DPP6: variants seen among roughly 807,000 people sequenced by gnomAD.
The protein encoded by DPP6 is dipeptidyl peptidase like 6.
Under a neutral mutation model 122.6 loss-of-function variants are expected in DPP6, and 69 were observed. That is an observed-to-expected ratio of 0.56 (90% CI 0.46 to 0.69). DPP6 has a LOEUF of 0.69. DPP6 is among the 30% of genes least tolerant of loss of function. DPP6 has a pLI of 0.00. For missense variants in DPP6, 928 were observed against 1,116.9 expected (o/e 0.83, Z 2.41); for synonymous variants, 418 against 433.1 (o/e 0.97, Z 0.43).
intron 7 of DPP6, among the ~76,000 whole-genome samples, chr7:154,694,489 G>A (rs1359425164): frequency 6.6e-6 from 1 of 152,160 alleles, no homozygotes. Flanking sequence ...GCGGGTGCCT[G>A]TAATCCCAGC....
chr7:153,852,004 C>T, the DPP6 span, among the ~76,000 whole-genome samples: 2 of 152,182 alleles, frequency 1.3e-5, no homozygotes, highest in African/African-American at 4.8e-5. Context: ...CCTCCCATCT[C>T]TCTGTGATGC....
chr7:154,873,813 CAT>C (rs1491422557), intron 19 of DPP6, among the ~76,000 whole-genome samples: 6 of 136,556 alleles, frequency 4.4e-5, no homozygotes, highest in Admixed American at 7.4e-5. Flanking sequence ...CACACACACA[CAT>C]GCACACACGC....
At chr7:154,315,003 A>C (rs1394239434) in intron 1 of DPP6, among the ~76,000 whole-genome samples, 1 of 152,102 alleles carries the variant, frequency 6.6e-6, no homozygotes, top group Non-Finnish European at 1.5e-5. Flanking sequence ...TTTTTATTGC[A>C]CCAGTGCTGG....
chr7:154,621,056 C>A (rs936576518), intron 5 of DPP6, among the ~76,000 whole-genome samples: 1 of 152,104 alleles, frequency 6.6e-6, no homozygotes, highest in Non-Finnish European at 1.5e-5. Flanking sequence ...GAGCTGAAAC[C>A]CTACCTCAAT....
chr7:153,899,136 T>C (rs1040606156), intron 1 of DPP6, among the ~76,000 whole-genome samples: 2 of 151,424 alleles, frequency 1.3e-5, no homozygotes, highest in East Asian at 3.9e-4. Flanking sequence ...TCCTCCTCCT[T>C]TTTCTCCTTC....
intron 5 of DPP6, among the ~76,000 whole-genome samples, chr7:154,612,474 A>G (rs369992063): frequency 2.9e-4 from 42 of 144,882 alleles, no homozygotes; most frequent in African/African-American, 9.5e-4. Context: ...CAAGCTGTTC[A>G]TGTATCCATA....
At chr7:154,052,339 GC>G (rs1259572719), upstream of DPP6, 1 of 153,520 alleles carries the variant, frequency 6.5e-6, no homozygotes, top group Admixed American at 6.5e-5. The surrounding 1 kb of genome is among the most constrained non-coding windows in gnomAD (Gnocchi z 4.8). Context: ...GGGCGGAGGG[GC>G]CGGGGTGGAG....
chr7:154,645,510 A>C (rs947867561), intron 6 of DPP6, among the ~76,000 whole-genome samples: 104 of 152,104 alleles, frequency 6.8e-4, no homozygotes, highest in Non-Finnish European at 1.2e-3. Flanking sequence ...CCAGACTTCT[A>C]GTAACCATCA....
the DPP6 span, among the ~76,000 whole-genome samples, chr7:153,827,897 T>A: frequency 3.3e-5 from 5 of 152,168 alleles, no homozygotes; most frequent in Non-Finnish European, 7.4e-5. Context: ...AGGTGCCCCC[T>A]ACCCTCCACT....
At chr7:154,573,014 A>G (rs888771783) in intron 5 of DPP6, among the ~76,000 whole-genome samples, 2 of 152,090 alleles carry the variant, frequency 1.3e-5, no homozygotes, top group African/African-American at 4.8e-5. Context: ...GTTGCAAGAA[A>G]TATAGCTATT....
At chr7:154,343,250 G>A (rs1162148763) in intron 1 of DPP6, among the ~76,000 whole-genome samples, 6 of 152,226 alleles carry the variant, frequency 3.9e-5, no homozygotes, top group Non-Finnish European at 7.3e-5. Flanking sequence ...AGAAAACCAA[G>A]ATTCTGAAGG....
intron 23 of DPP6, 97 bp downstream of exon 23, chr7:154,887,831 C>A: frequency 1.5e-6 from 2 of 1,367,128 alleles, no homozygotes; most frequent in Non-Finnish European, 2.1e-6. Flanking sequence ...CTGCCTTCCC[C>A]AGCCCCATGC....
Position 154,732,725 on chromosome 7 carries a change from C to G in DPP6, c.883+4838C>G, listed in dbSNP as rs199594839. Among the ~76,000 whole-genome samples the G allele has an allele frequency of 1.2e-4, 19 of 152,212 alleles. No homozygotes were observed. In the East Asian group the frequency reaches 3.7e-3, roughly 29 times the overall value. ...GATGAAATTCCAGGGCTGGATTTTC[C>G]TTAACTAGTCAAGAACATAAAAGTA... On this transcript the variant is annotated intron_variant, in intron 8 of 25. Transcript: ENST00000377770.
At chr7:153,901,650 T>C (rs1799642883) in intron 1 of DPP6, among the ~76,000 whole-genome samples, 1 of 152,212 alleles carries the variant, frequency 6.6e-6, no homozygotes, top group South Asian at 2.1e-4. Flanking sequence ...GGCATTGCTG[T>C]TCAATAGGGT....
the DPP6 span, among the ~76,000 whole-genome samples, chr7:153,748,797 G>A: frequency 2.2e-5 from 3 of 135,394 alleles, no homozygotes; most frequent in East Asian, 2.2e-4. Flanking sequence ...GAAGCCTGCA[G>A]CGTGGAGGCT....
chr7:154,800,084 G>T (rs13238654), intron 12 of DPP6, among the ~76,000 whole-genome samples: 1 of 152,082 alleles, frequency 6.6e-6, no homozygotes, highest in East Asian at 1.9e-4. Flanking sequence ...GGAATATAGC[G>T]CTACCCGCCG....
At chr7:154,270,064 T>C (rs1269078619) in intron 1 of DPP6, among the ~76,000 whole-genome samples, 2 of 152,212 alleles carry the variant, frequency 1.3e-5, no homozygotes, top group Non-Finnish European at 2.9e-5. Flanking sequence ...TTCATGCTTC[T>C]CATGATTCTA....
Position 154,400,145 on chromosome 7 carries a change from G to C in DPP6, c.244-46069G>C, listed in dbSNP as rs560677002. The stretch of plus-strand genomic sequence containing the variant: ...ACCAGGGAGCAGTTTGTCTGTGCAG[G>C]AAGCAGTGGAGTGTGGTCTGCATGC... On this transcript the variant is annotated intron_variant, in intron 1 of 25. Transcript: ENST00000377770. Among the ~76,000 whole-genome samples, 147 of 152,302 alleles carry C rather than the reference G, an allele frequency of 9.7e-4. 4 individuals are homozygous for C. In the South Asian group the frequency reaches 0.027, roughly 28 times the overall value.
At chr7:154,518,995 G>A (rs1286235304) in intron 3 of DPP6, among the ~76,000 whole-genome samples, 1 of 152,126 alleles carries the variant, frequency 6.6e-6, no homozygotes, top group Non-Finnish European at 1.5e-5. Context: ...AAACAAATGC[G>A]AGGACATTCT....
Sources: allele counts gnomAD v4.1 joint callset (sites outside exome capture counted in the v4.1 genomes callset), GRCh38; gene constraint gnomAD v4.1.1; non-coding constraint Gnocchi (gnomAD v3.1); transcripts MANE v1.5; gene names NCBI Gene and HGNC (gene_info 2026-07-23, HGNC 2026-07-21).